PDE4B: variants seen among roughly 807,000 people sequenced by gnomAD.
The protein encoded by PDE4B is phosphodiesterase 4B, also known as 3',5'-cyclic-AMP phosphodiesterase 4B.
Under a neutral mutation model 82.2 loss-of-function variants are expected in PDE4B, and 20 were observed. That is an observed-to-expected ratio of 0.24 (90% CI 0.17 to 0.35). PDE4B has a LOEUF of 0.35. Ranked by LOEUF, PDE4B falls within the 10% of genes least tolerant of loss-of-function variation. PDE4B has a pLI of 1.00. For missense variants in PDE4B, 655 were observed against 907.2 expected (o/e 0.72, Z 3.57); for synonymous variants, 320 against 318.9 (o/e 1.00, Z -0.04).
chr1:66,278,766 C>T (rs942376393), intron 7 of PDE4B, among the ~76,000 whole-genome samples: 2 of 152,108 alleles, frequency 1.3e-5, no homozygotes, highest in East Asian at 1.9e-4. Flanking sequence ...TGCAGCTGCA[C>T]GGGGTACCTG....
chr1:66,124,560 C>T (rs1223189786), intron 3 of PDE4B, among the ~76,000 whole-genome samples: 1 of 152,102 alleles, frequency 6.6e-6, no homozygotes, highest in African/African-American at 2.4e-5. Context: ...AGGCAAAATA[C>T]TTTTGCTATG....
intron 8 of PDE4B, among the ~76,000 whole-genome samples, chr1:66,337,870 G>A (rs1434405149): frequency 6.6e-6 from 1 of 152,122 alleles, no homozygotes; most frequent in Non-Finnish European, 1.5e-5. Flanking sequence ...ATTATGGAGG[G>A]AGCAAAATAA....
intron 1 of PDE4B, among the ~76,000 whole-genome samples, chr1:65,909,555 G>A (rs186902354): frequency 6.6e-6 from 1 of 152,080 alleles, no homozygotes; most frequent in East Asian, 1.9e-4. Context: ...AAAACAGAAC[G>A]TTATGAAGGA....
chr1:66,325,137 G>C (rs1029902026), intron 7 of PDE4B, among the ~76,000 whole-genome samples: 6 of 152,102 alleles, frequency 3.9e-5, no homozygotes, highest in Non-Finnish European at 8.8e-5. Context: ...CCGAAGAATG[G>C]AGTAAGTATG....
chr1:66,045,025 G>A (rs1654611812), intron 3 of PDE4B, among the ~76,000 whole-genome samples: 2 of 151,590 alleles, frequency 1.3e-5, no homozygotes, highest in Non-Finnish European at 3.0e-5. Flanking sequence ...AAAATAACCA[G>A]CCACTATATG....
intron 4 of PDE4B, among the ~76,000 whole-genome samples, chr1:66,254,539 A>T (rs1487881195): frequency 6.6e-6 from 1 of 152,056 alleles, no homozygotes; most frequent in Non-Finnish European, 1.5e-5. Context: ...CTAAATCTAT[A>T]GCTCGAATTC....
At chr1:65,910,675 A>T (rs1449721368) in intron 1 of PDE4B, among the ~76,000 whole-genome samples, 2 of 152,198 alleles carry the variant, frequency 1.3e-5, no homozygotes, top group African/African-American at 4.8e-5. Flanking sequence ...CTAAATAGGG[A>T]GGCCTGCAGG....
At chr1:65,861,288 C>G (rs1646451535) in intron 1 of PDE4B, among the ~76,000 whole-genome samples, 1 of 152,024 alleles carries the variant, frequency 6.6e-6, no homozygotes, top group African/African-American at 2.4e-5. Flanking sequence ...TTCTCAGCAC[C>G]ATTTATTAAA....
chr1:65,800,650 C>G (rs1028471578), intron 1 of PDE4B, among the ~76,000 whole-genome samples: 2 of 152,144 alleles, frequency 1.3e-5, no homozygotes. Context: ...TTCGACAAAA[C>G]ATTTGAAACA....
intron 3 of PDE4B, among the ~76,000 whole-genome samples, chr1:66,142,552 A>T (rs917726076): frequency 6.6e-6 from 1 of 152,146 alleles, no homozygotes; most frequent in African/African-American, 2.4e-5. Context: ...AGCATAATAG[A>T]GTTCATTTAC....
At chr1:66,294,339 AT>A (rs1385352304) in intron 7 of PDE4B, among the ~76,000 whole-genome samples, 2 of 152,172 alleles carry the variant, frequency 1.3e-5, no homozygotes, top group Non-Finnish European at 2.9e-5. Flanking sequence ...ATAATCAGTC[AT>A]TTCTAATATC....
At chr1:65,986,223 C>T (rs1014092579) in intron 3 of PDE4B, among the ~76,000 whole-genome samples, 3 of 152,056 alleles carry the variant, frequency 2.0e-5, no homozygotes, top group South Asian at 2.1e-4. Flanking sequence ...AAGGTGAATA[C>T]GATAGTTTAT....
intron 2 of PDE4B, among the ~76,000 whole-genome samples, chr1:65,918,331 A>G (rs533796765): frequency 3.2e-4 from 48 of 152,332 alleles, no homozygotes; most frequent in African/African-American, 1.1e-3. Context: ...GAGGCCTCCA[A>G]TCCACATGCT....
intron 3 of PDE4B, among the ~76,000 whole-genome samples, chr1:66,068,380 T>A (rs187789152): frequency 3.9e-5 from 6 of 151,960 alleles, no homozygotes; most frequent in Admixed American, 3.3e-4. Flanking sequence ...TAGATAGAAA[T>A]ATAGAAACAG....
chr1:66,015,884 A>G (rs1449520632), intron 3 of PDE4B, among the ~76,000 whole-genome samples: 1 of 152,188 alleles, frequency 6.6e-6, no homozygotes, highest in Admixed American at 6.5e-5. Context: ...CACGTTATCA[A>G]TTACTGTTTA....
intron 7 of PDE4B, among the ~76,000 whole-genome samples, chr1:66,293,813 A>G (rs145086929): frequency 2.1e-4 from 32 of 152,344 alleles, no homozygotes; most frequent in African/African-American, 7.7e-4. Context: ...CTGAATCTGC[A>G]TAAAGGCTAG....
intron 3 of PDE4B, among the ~76,000 whole-genome samples, chr1:65,929,207 A>T (rs1647691365): frequency 6.6e-6 from 1 of 152,128 alleles, no homozygotes; most frequent in South Asian, 2.1e-4. Context: ...ACCTCAGGGG[A>T]GGCCATCACT....
At chr1:65,819,369 G>A (rs138751899) in intron 1 of PDE4B, among the ~76,000 whole-genome samples, 1 of 152,196 alleles carries the variant, frequency 6.6e-6, no homozygotes, top group Non-Finnish European at 1.5e-5. Context: ...CAGAAGGCTT[G>A]TAGGAGTGCC....
At chr1:65,956,761 C>T (rs61799396) in intron 3 of PDE4B, among the ~76,000 whole-genome samples, 25,607 of 152,020 alleles carry the variant, frequency 0.17, 2,806 homozygotes, top group Non-Finnish European at 0.24. Context: ...CATATGTACC[C>T]GGAGAAGAGA....
Sources: allele counts gnomAD v4.1 joint callset (sites outside exome capture counted in the v4.1 genomes callset), GRCh38; gene constraint gnomAD v4.1.1; transcripts MANE v1.5; gene names NCBI Gene and HGNC (gene_info 2026-07-23, HGNC 2026-07-21).